Variants in PRELID2 observed in about 807,000 individuals in gnomAD.
PRELID2 encodes PRELI domain-containing protein 2.
A neutral mutation model predicts 28.4 loss-of-function variants in PRELID2; 25 were observed. The observed-to-expected ratio is 0.88, with a 90% CI of 0.64 to 1.23. PRELID2 has a LOEUF of 1.23. Among genes scored for constraint, PRELID2 ranks in the 50% most tolerant of loss-of-function variants. The pLI is 0.00. For missense variants in PRELID2, 201 were observed against 214.4 expected, an observed-to-expected ratio of 0.94 and a Z score of 0.39; for synonymous variants, 76 against 71.6, an observed-to-expected ratio of 1.06 and a Z score of -0.31.
intron 1 of PRELID2, among the ~76,000 whole-genome samples, chr5:145,720,575 GGA>G (rs1755961224): frequency 6.6e-6 from 1 of 151,984 alleles, no homozygotes; most frequent in Admixed American, 6.6e-5. Context: ...GTAAAAACTT[GGA>G]GAGTCCTGTA....
At chr5:145,547,142 G>A (rs1752794711) in intron 1 of PRELID2, among the ~76,000 whole-genome samples, 1 of 152,164 alleles carries the variant, frequency 6.6e-6, no homozygotes, top group South Asian at 2.1e-4. Context: ...AAATTTGGCA[G>A]CAAAGTCTGC....
chr5:145,332,897 C>T, the PRELID2 span, among the ~76,000 whole-genome samples: 1 of 152,148 alleles, frequency 6.6e-6, no homozygotes, highest in African/African-American at 2.4e-5. Context: ...TCCTCATCTT[C>T]ATGGATTTAT....
downstream of PRELID2, among the ~76,000 whole-genome samples, chr5:145,466,956 T>C (rs1322467722): frequency 1.3e-5 from 2 of 152,200 alleles, no homozygotes; most frequent in South Asian, 2.1e-4. Flanking sequence ...TAAAGAAATA[T>C]ATGTTACCAG....
At chr5:145,808,875 C>T (rs1306298047) in intron 4 of PRELID2, among the ~76,000 whole-genome samples, 1 of 145,164 alleles carries the variant, frequency 6.9e-6, no homozygotes, top group Non-Finnish European at 1.5e-5. Context: ...CAGAGGGACC[C>T]TGTCTTACAA....
the PRELID2 span, among the ~76,000 whole-genome samples, chr5:145,395,784 C>A: frequency 6.6e-6 from 1 of 152,088 alleles, no homozygotes; most frequent in Non-Finnish European, 1.5e-5. Context: ...GTGTAAAGAA[C>A]CCATGGCTTG....
intron 1 of PRELID2, among the ~76,000 whole-genome samples, chr5:145,676,885 C>G (rs890048100): frequency 6.6e-6 from 1 of 151,894 alleles, no homozygotes; most frequent in Non-Finnish European, 1.5e-5. Context: ...ACAAAGTGAC[C>G]AGATTTTTCA....
the PRELID2 span, among the ~76,000 whole-genome samples, chr5:145,313,749 CAA>C: frequency 6.6e-6 from 1 of 152,234 alleles, no homozygotes. Flanking sequence ...CCTCACTTCC[CAA>C]AGAGTTGCAG....
the PRELID2 span, among the ~76,000 whole-genome samples, chr5:145,447,401 C>A: frequency 6.7e-6 from 1 of 149,858 alleles, no homozygotes; most frequent in African/African-American, 2.4e-5. Flanking sequence ...ATAATTCTCA[C>A]TTGAGCTTCT....
chr5:145,367,919 A>G, the PRELID2 span, among the ~76,000 whole-genome samples: 3 of 151,940 alleles, frequency 2.0e-5, no homozygotes. Context: ...TTCCATGTGA[A>G]ATAAGTTTTC....
intron 1 of PRELID2, among the ~76,000 whole-genome samples, chr5:145,718,252 C>T (rs182138292): frequency 1.0e-3 from 159 of 151,730 alleles, no homozygotes; most frequent in African/African-American, 3.6e-3. Context: ...GATTGACCTA[C>T]AAAAATCAAT....
At chr5:145,451,692 C>G in the PRELID2 span, among the ~76,000 whole-genome samples, 1 of 152,090 alleles carries the variant, frequency 6.6e-6, no homozygotes. Context: ...GGGTTTGATA[C>G]AATAGAATTT....
the PRELID2 span, among the ~76,000 whole-genome samples, chr5:145,283,572 G>T: frequency 6.6e-6 from 1 of 152,078 alleles, no homozygotes. Context: ...ATATAAATAA[G>T]GATTTTTGAA....
At chr5:145,652,439 AC>A (rs1391977067) in intron 1 of PRELID2, among the ~76,000 whole-genome samples, 2 of 152,242 alleles carry the variant, frequency 1.3e-5, no homozygotes, top group African/African-American at 4.8e-5. Context: ...ACTCCAAGAC[AC>A]ATAACTGTCA....
the PRELID2 span, among the ~76,000 whole-genome samples, chr5:145,305,752 C>G: frequency 6.6e-6 from 1 of 152,102 alleles, no homozygotes; most frequent in Non-Finnish European, 1.5e-5. Context: ...ACAGGGGCAC[C>G]TCTGTCACTC....
rs1757271888 is a variant in PRELID2, at chr5:145,756,862, A to G, written c.*3674T>C. 6.6e-6 allele frequency among the ~76,000 whole-genome samples: 1 copy of G among 152,226 alleles called. No homozygotes were observed. The highest frequency in any genetic ancestry group is 2.1e-4 in the South Asian group (1 of 4,838). On this transcript the variant is annotated 3_prime_UTR_variant, in exon 7 of 7. Transcript: ENST00000683046. ...CACAGTAATGGGAGAGATAAATGAC[A>G]GATAAAAGTGAGGGAAAAGAAAAAC...
At chr5:145,419,282 C>T in the PRELID2 span, among the ~76,000 whole-genome samples, 3 of 133,852 alleles carry the variant, frequency 2.2e-5, no homozygotes, top group African/African-American at 5.5e-5. Context: ...ATTTCCAGTT[C>T]TAGATCCCTG....
the PRELID2 span, among the ~76,000 whole-genome samples, chr5:145,253,616 C>T: frequency 1.2e-4 from 19 of 152,006 alleles, no homozygotes; most frequent in Non-Finnish European, 2.6e-4. Context: ...TCTGTGGTGC[C>T]TCTGTCAGAT....
chr5:145,761,049 T>A (rs116652938), intron 6 of PRELID2, among the ~76,000 whole-genome samples: 1,795 of 152,360 alleles, frequency 0.012, 22 homozygotes, highest in South Asian at 0.026. Flanking sequence ...CAGAGAGTTC[T>A]GTGAAGTATC....
intron 1 of PRELID2, among the ~76,000 whole-genome samples, chr5:145,650,539 T>C (rs1311838188): frequency 6.8e-5 from 6 of 88,854 alleles, no homozygotes; most frequent in East Asian, 3.1e-4. Context: ...TACATATATA[T>C]ATATATATAT....
Sources: allele counts gnomAD v4.1 joint callset (sites outside exome capture counted in the v4.1 genomes callset), GRCh38; gene constraint gnomAD v4.1.1; transcripts MANE v1.5; gene names NCBI Gene and HGNC (gene_info 2026-07-23, HGNC 2026-07-21).